The following PKHD1 variants were observed in gnomAD, a reference collection of about 807,000 sequenced individuals.
PKHD1 encodes fibrocystin.
A neutral mutation model predicts 412.0 loss-of-function variants in PKHD1; 291 were observed. That is an observed-to-expected ratio of 0.71 (90% CI 0.64 to 0.78). PKHD1 has a LOEUF of 0.78. Among genes scored for constraint, PKHD1 ranks in the 30% least tolerant of loss-of-function variants. The probability of loss-of-function intolerance (pLI) is 0.00; values close to 1 mark genes in which losing one functional copy is unlikely to be tolerated. For missense variants in PKHD1, 4,825 were observed against 4,950.7 expected (o/e 0.97, Z 0.76); for synonymous variants, 1,777 against 1,821.5 (o/e 0.98, Z 0.62).
At chr6:51,763,677 A>T (rs1788426177) in intron 55 of PKHD1, among the ~76,000 whole-genome samples, 1 of 152,112 alleles carries the variant, frequency 6.6e-6, no homozygotes, top group Non-Finnish European at 1.5e-5. Flanking sequence ...ACCAGAAACC[A>T]AGAATGCACT....
chr6:51,644,001 G>T (rs1769738805), intron 63 of PKHD1, among the ~76,000 whole-genome samples: 1 of 152,004 alleles, frequency 6.6e-6, no homozygotes, highest in Non-Finnish European at 1.5e-5. Flanking sequence ...AAAAGAGAGT[G>T]GGAAAATTTA....
intron 48 of PKHD1, among the ~76,000 whole-genome samples, chr6:51,861,741 C>A (rs1774222612): frequency 6.6e-6 from 1 of 152,180 alleles, no homozygotes; most frequent in Non-Finnish European, 1.5e-5. Flanking sequence ...CCATCCACAG[C>A]CTTATGGATT....
intron 10 of PKHD1, 124 bp downstream of exon 10, chr6:52,070,282 A>G (rs746636754): frequency 1.4e-5 from 10 of 728,542 alleles, no homozygotes; most frequent in Non-Finnish European, 2.5e-5. Flanking sequence ...GTCTCATTAT[A>G]CTATTCTGTT....
At position 51,817,875 on chromosome 6, in the gene PKHD1, G is replaced by A. The variant is rs1765726286; in HGVS notation, c.8302+12986C>T. 2.6e-5 allele frequency among the ~76,000 whole-genome samples: 4 copies of A among 152,140 alleles called. No homozygotes were observed. In the South Asian group the frequency reaches 8.3e-4, roughly 32 times the overall value. On this transcript the variant is annotated intron_variant, in intron 52 of 66. Transcript: ENST00000371117. Reference sequence around the variant, plus strand: ...CCACAGCCCAGACAGCCTGGGCAGAGTGCAGAACATTCACCACCTCCGTGC... The same window carrying A: ...CCACAGCCCAGACAGCCTGGGCAGAATGCAGAACATTCACCACCTCCGTGC...
chr6:51,965,902 C>T (rs972352174), intron 35 of PKHD1, among the ~76,000 whole-genome samples: 6 of 152,030 alleles, frequency 3.9e-5, no homozygotes, highest in Admixed American at 6.6e-5. Flanking sequence ...CTTCTTTTAT[C>T]GTTTCCTCTA....
At chr6:51,812,082 C>G (rs896047037) in intron 52 of PKHD1, among the ~76,000 whole-genome samples, 2 of 152,148 alleles carry the variant, frequency 1.3e-5, no homozygotes, top group Non-Finnish European at 2.9e-5. Context: ...ATGGAGAGAG[C>G]AGCAGGAATG....
At chr6:51,679,567 C>G (rs553384916) in intron 60 of PKHD1, among the ~76,000 whole-genome samples, 7 of 151,978 alleles carry the variant, frequency 4.6e-5, no homozygotes, top group African/African-American at 1.7e-4. Context: ...AAACCTTCGA[C>G]TGATATTTTA....
chr6:51,638,303 G>A (rs1411397494), intron 64 of PKHD1, among the ~76,000 whole-genome samples: 3 of 152,072 alleles, frequency 2.0e-5, no homozygotes, highest in African/African-American at 7.2e-5. Flanking sequence ...TAAATAACAT[G>A]TTGACAAATG....
intron 53 of PKHD1, among the ~76,000 whole-genome samples, chr6:51,790,799 T>C (rs1480653151): frequency 6.6e-6 from 1 of 152,228 alleles, no homozygotes; most frequent in Non-Finnish European, 1.5e-5. Context: ...AGCTTTGCTT[T>C]CAAGTCTGTT....
intron 51 of PKHD1, among the ~76,000 whole-genome samples, chr6:51,834,197 A>C (rs1244508333): frequency 6.6e-6 from 1 of 152,170 alleles, no homozygotes; most frequent in Admixed American, 6.6e-5. Flanking sequence ...AGAAGAAGCC[A>C]GTAAGGAAAG....
At chr6:51,907,493 T>G (rs1209329272) in intron 40 of PKHD1, among the ~76,000 whole-genome samples, 1 of 152,114 alleles carries the variant, frequency 6.6e-6, no homozygotes, top group Non-Finnish European at 1.5e-5. Context: ...CCAAACAGCA[T>G]AGGCCTGACC....
At chr6:51,635,821 G>C (rs1349192890) in intron 64 of PKHD1, among the ~76,000 whole-genome samples, 1 of 134,528 alleles carries the variant, frequency 7.4e-6, no homozygotes, top group Admixed American at 8.6e-5. Context: ...GCAACCACAG[G>C]TAGAGTTTCT....
chr6:51,669,225 C>T (rs1170331371), intron 60 of PKHD1, among the ~76,000 whole-genome samples: 1 of 152,108 alleles, frequency 6.6e-6, no homozygotes, highest in Non-Finnish European at 1.5e-5. Context: ...AATTTCAGCT[C>T]CTGTTATTGG....
chr6:51,806,637 G>A (rs978235314), intron 52 of PKHD1, among the ~76,000 whole-genome samples: 1 of 152,084 alleles, frequency 6.6e-6, no homozygotes, highest in African/African-American at 2.4e-5. Flanking sequence ...GAAAATGTAT[G>A]TTCTCCAAAA....
At chr6:51,738,798 TG>T (rs2150932143) in intron 60 of PKHD1, among the ~76,000 whole-genome samples, 1 of 152,236 alleles carries the variant, frequency 6.6e-6, no homozygotes, top group Non-Finnish European at 1.5e-5. Flanking sequence ...TCAGAGTCCC[TG>T]CCCTGGCTGC....
chr6:51,778,804 T>A (rs1791493060), intron 53 of PKHD1, among the ~76,000 whole-genome samples: 1 of 152,184 alleles, frequency 6.6e-6, no homozygotes, highest in Non-Finnish European at 1.5e-5. Context: ...AAGCCCACTC[T>A]GTCAACATGA....
chr6:51,756,656 T>G (rs1787061880), intron 55 of PKHD1, among the ~76,000 whole-genome samples: 1 of 152,148 alleles, frequency 6.6e-6, no homozygotes, highest in Admixed American at 6.6e-5. Context: ...AAATGATACA[T>G]GCACAGAAAA....
chr6:52,021,563 TG>T (rs969895800), intron 33 of PKHD1, among the ~76,000 whole-genome samples: 1 of 152,208 alleles, frequency 6.6e-6, no homozygotes, highest in African/African-American at 2.4e-5. Flanking sequence ...TCTGCAACAC[TG>T]TTCCTAGCAG....
At chr6:51,915,211 T>G (rs1783590162) in intron 37 of PKHD1, among the ~76,000 whole-genome samples, 1 of 152,102 alleles carries the variant, frequency 6.6e-6, no homozygotes, top group Admixed American at 6.6e-5. Flanking sequence ...TCCAGATGGC[T>G]TTGTCACCTG....
Sources: gnomAD v4.1 joint callset for allele counts (sites outside exome capture counted in the v4.1 genomes callset) on GRCh38, gnomAD v4.1.1 for gene constraint, MANE v1.5 for transcripts, NCBI Gene and HGNC (gene_info 2026-07-23, HGNC 2026-07-21) for gene names.